STARD6: variants seen among roughly 807,000 people sequenced by gnomAD.
STARD6 encodes the protein stAR-related lipid transfer protein 6.
In STARD6, 21 loss-of-function variants were observed where a neutral mutation model predicts 22.3. The ratio of observed to expected loss-of-function variants is 0.94; its 90% CI spans 0.67 to 1.35. The LOEUF (loss-of-function observed/expected upper bound fraction) is 1.35, where lower values mean the gene tolerates loss of function less well. STARD6 is among the 40% of genes most tolerant of loss of function. STARD6 has a pLI of 0.00. For synonymous variants in STARD6, 80 were observed against 88.1 expected (o/e 0.91, Z 0.52); for missense variants, 269 against 266.9 (o/e 1.01, Z -0.05).
intron 4 of STARD6, among the ~76,000 whole-genome samples, chr18:54,342,454 TCTCC>T (rs2088979857): frequency 8.1e-6 from 1 of 123,098 alleles, no homozygotes; most frequent in Non-Finnish European, 1.7e-5. Context: ...TCCCTCTCCC[TCTCC>T]CTCTCCCTCC....
At chr18:54,336,343 A>G (rs1241137579) in intron 5 of STARD6, among the ~76,000 whole-genome samples, 1 of 152,152 alleles carries the variant, frequency 6.6e-6, no homozygotes, top group Non-Finnish European at 1.5e-5. Flanking sequence ...GGGCAGGACC[A>G]GGTGGAGATA....
At chr18:54,329,223 A>C (rs2088847147) in intron 7 of STARD6, 124 bp downstream of exon 7, 1 of 651,132 alleles carries the variant, frequency 1.5e-6, no homozygotes, top group Non-Finnish European at 2.5e-6. Context: ...TATTTAGGGG[A>C]AGTTTTTTTC....
At chr18:54,345,654 A>T (rs888885902) in intron 4 of STARD6, among the ~76,000 whole-genome samples, 2 of 152,190 alleles carry the variant, frequency 1.3e-5, no homozygotes, top group African/African-American at 4.8e-5. Context: ...GAAAAGTTGT[A>T]AGACTCACAC....
intron 6 of STARD6, 60 bp from the exon 7 acceptor site, chr18:54,329,500 G>T: frequency 1.5e-6 from 2 of 1,337,452 alleles, no homozygotes; most frequent in South Asian, 1.3e-5. Flanking sequence ...ACTATTTCCA[G>T]CAGCATATTT....
intron 6 of STARD6, among the ~76,000 whole-genome samples, chr18:54,330,686 AT>A (rs1349295248): frequency 6.6e-6 from 1 of 152,086 alleles, no homozygotes; most frequent in African/African-American, 2.4e-5. Context: ...TTGAGTAGTG[AT>A]TTGTGCACCA....
At chr18:54,341,391 G>A (rs1457594460) in intron 4 of STARD6, among the ~76,000 whole-genome samples, 2 of 152,112 alleles carry the variant, frequency 1.3e-5, no homozygotes, top group Non-Finnish European at 2.9e-5. Flanking sequence ...GAAACAATCA[G>A]AAGAAAATCA....
At chr18:54,352,238 G>A (rs1214983707) in intron 4 of STARD6, among the ~76,000 whole-genome samples, 2 of 151,464 alleles carry the variant, frequency 1.3e-5, no homozygotes, top group South Asian at 2.1e-4. Flanking sequence ...GCATGTAAAC[G>A]TGTTCACAGT....
intron 5 of STARD6, among the ~76,000 whole-genome samples, chr18:54,336,891 C>G (rs2088919448): frequency 6.6e-6 from 1 of 152,174 alleles, no homozygotes; most frequent in African/African-American, 2.4e-5. Flanking sequence ...AAATGGCACA[C>G]ATTGCAGGAG....
At chr18:54,338,893 C>T (rs1462193393) in intron 4 of STARD6, among the ~76,000 whole-genome samples, 1 of 151,422 alleles carries the variant, frequency 6.6e-6, no homozygotes, top group African/African-American at 2.4e-5. Flanking sequence ...ACTAAAAATA[C>T]AAGAATTAGC....
At position 54,337,151 on chromosome 18, in the gene STARD6, A is replaced by T; in HGVS notation, c.241T>A (p.Tyr81Asn). 3 of 1,613,190 alleles carry T rather than the reference A, an allele frequency of 1.9e-6. No individual in the cohort carries two copies. Among genetic ancestry groups the T allele is most frequent in the Non-Finnish European group, 2.5e-6 (3 of 1,179,490 alleles). Residue 81 changes from tyrosine (Y) to asparagine (N), a missense_variant, in exon 5 of 8, where the codon TAT becomes AAT. By Grantham distance (143) the Tyr-to-Asn change is moderately radical (BLOSUM62 -2). Coordinates refer to ENST00000307844, the MANE Select transcript of STARD6 (RefSeq NM_139171.2). The stretch of plus-strand genomic sequence containing the variant: ...GAATCAATCCTGTGTACCATATTAT[A>T]CACTTGCAATGATTTATCCCATGTA... Reference protein sequence around the residue: ...RITWDKSLQVYNMVHRIDSDT... With the variant: ...RITWDKSLQVNNMVHRIDSDT...
At chr18:54,324,905 TAAG>T (rs746002052) in intron 7 of STARD6, 30 bp from the exon 8 acceptor site, 1 of 1,470,856 alleles carries the variant, frequency 6.8e-7, no homozygotes, top group Non-Finnish European at 9.0e-7. Flanking sequence ...TAAAAAAAGA[TAAG>T]AAATTTTTAG....
chr18:54,350,992 A>T (rs999281117), intron 4 of STARD6, among the ~76,000 whole-genome samples: 16 of 152,050 alleles, frequency 1.1e-4, no homozygotes, highest in African/African-American at 3.9e-4. Flanking sequence ...TACGAATTTT[A>T]GGATTGTTTT....
At chr18:54,344,735 G>T (rs1486256540) in intron 4 of STARD6, among the ~76,000 whole-genome samples, 1 of 152,056 alleles carries the variant, frequency 6.6e-6, no homozygotes, top group Non-Finnish European at 1.5e-5. Context: ...AGAATGCAAG[G>T]TTGGTTTACC....
intron 5 of STARD6, among the ~76,000 whole-genome samples, chr18:54,332,749 C>A (rs2088875483): frequency 1.3e-5 from 2 of 152,172 alleles, no homozygotes; most frequent in African/African-American, 4.8e-5. Flanking sequence ...GCAGTTAAGA[C>A]ACATCCTTGA....
chr18:54,328,306 G>A (rs1390104563), intron 7 of STARD6, among the ~76,000 whole-genome samples: 1 of 152,298 alleles, frequency 6.6e-6, no homozygotes, highest in East Asian at 1.9e-4. Context: ...ACATTGACAA[G>A]GTGCAAGAAG....
intron 6 of STARD6, 125 bp downstream of exon 6, chr18:54,331,617 T>C (rs2144668348): frequency 4.3e-6 from 3 of 689,892 alleles, no homozygotes; most frequent in Non-Finnish European, 7.3e-6. Context: ...TAATTGTTGA[T>C]CCCACTAAGT....
At chr18:54,330,614 A>G (rs1454678032) in intron 6 of STARD6, among the ~76,000 whole-genome samples, 2 of 152,220 alleles carry the variant, frequency 1.3e-5, no homozygotes, top group Non-Finnish European at 2.9e-5. Context: ...AAAAAAAAGA[A>G]ATGTTAAGAA....
chr18:54,349,165 T>C (rs2089068109), intron 4 of STARD6, among the ~76,000 whole-genome samples: 1 of 152,140 alleles, frequency 6.6e-6, no homozygotes, highest in Non-Finnish European at 1.5e-5. Context: ...AGTGAAGTGC[T>C]ATGAAGAAGA....
At chr18:54,354,721 A>C in intron 2 of STARD6, 144 bp from the exon 3 acceptor site, 3 of 579,826 alleles carry the variant, frequency 5.2e-6, no homozygotes, top group Non-Finnish European at 9.0e-6. Context: ...GTATGCATGA[A>C]CCCCTCTCTC....
Sources: gnomAD v4.1 joint callset for allele counts (sites outside exome capture counted in the v4.1 genomes callset) on GRCh38, gnomAD v4.1.1 for gene constraint, MANE v1.5 for transcripts, NCBI Gene and HGNC (gene_info 2026-07-23, HGNC 2026-07-21) for gene names.